Variants in CNTN3 observed in about 807,000 individuals in gnomAD.
CNTN3 encodes the protein contactin-3.
A neutral mutation model predicts 119.1 loss-of-function variants in CNTN3; 60 were observed. That is an observed-to-expected ratio of 0.50 (90% CI 0.41 to 0.62). The LOEUF (loss-of-function observed/expected upper bound fraction) is 0.62, where lower values mean the gene tolerates loss of function less well. CNTN3 is among the 20% of genes least tolerant of loss of function. CNTN3 has a pLI of 0.00. For synonymous variants in CNTN3, 450 were observed against 438.7 expected, an observed-to-expected ratio of 1.03 and a Z score of -0.32; for missense variants, 1,101 against 1,242.4, an observed-to-expected ratio of 0.89 and a Z score of 1.71.
chr3:74,540,104 T>TCC (rs1351522879), intron 1 of CNTN3, among the ~76,000 whole-genome samples: 2 of 152,142 alleles, frequency 1.3e-5, no homozygotes, highest in African/African-American at 4.8e-5. Context: ...CTGGCAGCCA[T>TCC]CCATGTTTGA....
At chr3:74,609,978 C>T (rs1370727798) in intron 1 of CNTN3, among the ~76,000 whole-genome samples, 2 of 152,096 alleles carry the variant, frequency 1.3e-5, no homozygotes, top group Non-Finnish European at 2.9e-5. Flanking sequence ...AGAGAGCCCT[C>T]TCTAAGCAAA....
chr3:74,462,491 G>C (rs1344056099), intron 4 of CNTN3, among the ~76,000 whole-genome samples: 2 of 152,128 alleles, frequency 1.3e-5, no homozygotes, highest in East Asian at 1.9e-4. Flanking sequence ...ATCTAAAGCA[G>C]TGTCAATATT....
intron 12 of CNTN3, 50 bp downstream of exon 12, chr3:74,336,481 C>T (rs781676996): frequency 6.3e-7 from 1 of 1,583,668 alleles, no homozygotes; most frequent in Non-Finnish European, 8.7e-7. Flanking sequence ...CATAATAATA[C>T]ATCTTACAGT....
chr3:74,517,313 C>G (rs1440259059), intron 2 of CNTN3, among the ~76,000 whole-genome samples: 8 of 151,918 alleles, frequency 5.3e-5, no homozygotes, highest in Non-Finnish European at 1.0e-4. Flanking sequence ...GAGATCAGGT[C>G]TTAAGTGTGA....
chr3:74,485,290 C>T (rs187272904), intron 4 of CNTN3, among the ~76,000 whole-genome samples: 2 of 152,078 alleles, frequency 1.3e-5, no homozygotes, highest in African/African-American at 4.8e-5. Context: ...TAAATTCTGT[C>T]TATTAGAGAA....
At chr3:74,350,496 A>G (rs1703788352) in intron 11 of CNTN3, among the ~76,000 whole-genome samples, 1 of 152,206 alleles carries the variant, frequency 6.6e-6, no homozygotes, top group South Asian at 2.1e-4. Context: ...TTCAATCCTT[A>G]TGGAGAACAG....
intron 4 of CNTN3, among the ~76,000 whole-genome samples, chr3:74,434,879 T>A (rs2106916409): frequency 6.6e-6 from 1 of 152,338 alleles, no homozygotes; most frequent in Middle Eastern, 3.4e-3. Context: ...CAAATTTTGA[T>A]TCAAAACATT....
chr3:74,518,691 T>A (rs532784986), intron 2 of CNTN3, among the ~76,000 whole-genome samples: 5 of 151,826 alleles, frequency 3.3e-5, no homozygotes, highest in Non-Finnish European at 7.4e-5. Context: ...ACTTGAAAAG[T>A]TTATTTTGCT....
intron 14 of CNTN3, 83 bp from the exon 15 acceptor site, chr3:74,301,888 G>C (rs1178233590): frequency 1.4e-6 from 2 of 1,450,010 alleles, no homozygotes; most frequent in East Asian, 4.6e-5. Context: ...AATGTCACAT[G>C]ACCACTTCAA....
chr3:74,416,783 A>T (rs7650161), intron 5 of CNTN3, among the ~76,000 whole-genome samples: 113,655 of 151,816 alleles, frequency 0.75, 42,651 homozygotes, highest in East Asian at 0.8. Context: ...AGGTCAGGAG[A>T]TCGAGAACAG....
chr3:74,314,164 T>C (rs947231296), intron 13 of CNTN3, among the ~76,000 whole-genome samples: 1 of 151,934 alleles, frequency 6.6e-6, no homozygotes, highest in Non-Finnish European at 1.5e-5. Flanking sequence ...CATAGCAACA[T>C]GCTATGAAAT....
At chr3:74,285,522 G>A (rs969125260) in intron 19 of CNTN3, 31 bp from the exon 20 acceptor site, 4 of 1,563,174 alleles carry the variant, frequency 2.6e-6, no homozygotes, top group Non-Finnish European at 3.5e-6. Context: ...AACATGTGAA[G>A]GCTTAAAAAA....
At chr3:74,370,528 AT>A (rs1028515859) in intron 6 of CNTN3, among the ~76,000 whole-genome samples, 1 of 152,158 alleles carries the variant, frequency 6.6e-6, no homozygotes, top group African/African-American at 2.4e-5. Flanking sequence ...TCTTAAACTT[AT>A]TAAATGGCTC....
intron 11 of CNTN3, among the ~76,000 whole-genome samples, chr3:74,342,924 G>A (rs553288892): frequency 2.6e-5 from 4 of 152,208 alleles, no homozygotes; most frequent in Admixed American, 1.3e-4. Flanking sequence ...ATACTCAGAC[G>A]CACGAAGTAG....
At chr3:74,528,433 A>T (rs1703650493) in intron 1 of CNTN3, among the ~76,000 whole-genome samples, 1 of 151,886 alleles carries the variant, frequency 6.6e-6, no homozygotes, top group African/African-American at 2.4e-5. Context: ...ACATTTACCA[A>T]CTGGAAAATG....
chr3:74,537,042 C>T (rs146232565), intron 1 of CNTN3, among the ~76,000 whole-genome samples: 3 of 151,946 alleles, frequency 2.0e-5, no homozygotes, highest in African/African-American at 7.2e-5. Flanking sequence ...TGCCTGTAGA[C>T]AAGATGTGTC....
Position 74,491,563 on chromosome 3 carries a change from C to T in CNTN3, c.183-4932G>A, listed in dbSNP as rs114456484. Reference sequence around the variant, plus strand: ...TTGAAGGGATACGCAGGTTCAGCTCCTTCTTTTACAAAGTATGTGTCCAAT... The same window carrying T: ...TTGAAGGGATACGCAGGTTCAGCTCTTTCTTTTACAAAGTATGTGTCCAAT... On this transcript the variant is annotated intron_variant, in intron 3 of 22. Transcript: ENST00000263665. Among the ~76,000 whole-genome samples, 1,292 of 152,216 alleles carry T rather than the reference C, an allele frequency of 8.5e-3. 14 individuals carry two copies. The highest frequency in any genetic ancestry group is 0.029 in the African/African-American group (1,194 of 41,550).
At chr3:74,452,788 C>G (rs1702185203) in intron 4 of CNTN3, among the ~76,000 whole-genome samples, 1 of 151,258 alleles carries the variant, frequency 6.6e-6, no homozygotes, top group African/African-American at 2.4e-5. Flanking sequence ...TGGTTTTTGT[C>G]TTTGGTTCTG....
chr3:74,599,955 T>C (rs557416717), intron 1 of CNTN3, among the ~76,000 whole-genome samples: 1 of 152,202 alleles, frequency 6.6e-6, no homozygotes, highest in East Asian at 1.9e-4. Flanking sequence ...GGGTGTGATC[T>C]TGACAGAAGT....
Sources: allele counts gnomAD v4.1 joint callset (sites outside exome capture counted in the v4.1 genomes callset), GRCh38; gene constraint gnomAD v4.1.1; transcripts MANE v1.5; gene names NCBI Gene and HGNC (gene_info 2026-07-23, HGNC 2026-07-21).